The following SERGEF variants were observed in gnomAD, a reference collection of about 807,000 sequenced individuals.
SERGEF encodes the protein secretion regulating guanine nucleotide exchange factor.
In SERGEF, 51 loss-of-function variants were observed where a neutral mutation model predicts 50.0. The observed-to-expected ratio is 1.02, with a 90% CI of 0.81 to 1.29. SERGEF has a LOEUF of 1.29. Among genes scored for constraint, SERGEF ranks in the 50% most tolerant of loss-of-function variants. The pLI, the probability that SERGEF is intolerant of heterozygous loss-of-function variation, is 0.00. For synonymous variants in SERGEF, 205 were observed against 212.4 expected (o/e 0.97, Z 0.30); for missense variants, 521 against 557.0 (o/e 0.94, Z 0.65).
chr11:17,828,490 C>A (rs947081207), intron 10 of SERGEF, among the ~76,000 whole-genome samples: 1 of 152,218 alleles, frequency 6.6e-6, no homozygotes, highest in Non-Finnish European at 1.5e-5. Flanking sequence ...CTGCTCACTT[C>A]AAGTGGAGGA....
chr11:17,986,057 T>C (rs952750430), intron 8 of SERGEF, among the ~76,000 whole-genome samples: 3 of 152,216 alleles, frequency 2.0e-5, no homozygotes, highest in African/African-American at 4.8e-5. Context: ...TCTGTGCTGA[T>C]GTGGCCTGCA....
At chr11:17,860,085 C>G (rs1189320302) in intron 10 of SERGEF, among the ~76,000 whole-genome samples, 6 of 152,102 alleles carry the variant, frequency 3.9e-5, no homozygotes, top group Non-Finnish European at 8.8e-5. Context: ...GGCTGAACCC[C>G]AGAGTGGCAT....
chr11:17,866,986 C>G (rs959100842), intron 10 of SERGEF: 2 of 152,204 alleles, frequency 1.3e-5, no homozygotes, highest in African/African-American at 4.8e-5. Context: ...GATTCCATTA[C>G]CTCCCACTGT....
intron 9 of SERGEF, among the ~76,000 whole-genome samples, chr11:17,897,002 C>CA (rs376636293): frequency 2.6e-5 from 4 of 151,870 alleles, no homozygotes; most frequent in African/African-American, 7.3e-5. Flanking sequence ...AAAGCTCTAC[C>CA]AAAAATCAAA....
intron 9 of SERGEF, among the ~76,000 whole-genome samples, chr11:17,898,540 T>A (rs1565198628): frequency 6.6e-6 from 1 of 152,178 alleles, no homozygotes; most frequent in Non-Finnish European, 1.5e-5. Context: ...AGTAGATGCT[T>A]ACATGATGGT....
chr11:17,953,989 T>C (rs1471168230), intron 9 of SERGEF, among the ~76,000 whole-genome samples: 2 of 152,180 alleles, frequency 1.3e-5, no homozygotes, highest in Non-Finnish European at 2.9e-5. Context: ...AGTGAAACCA[T>C]CTTTGGGTGC....
rs566750868 is a variant in SERGEF, at chr11:17,932,546, G to C, written c.1011+26924C>G. On this transcript the variant is annotated intron_variant, in intron 9 of 10. Coordinates refer to ENST00000265965, the MANE Select transcript of SERGEF (RefSeq NM_012139.4). ...AAAGAGACTGCTTAGAGTTGAATTTGTTGAGCTCTGAATAAAAAAAGAAAG... is the reference window on the plus strand; with the variant it reads ...AAAGAGACTGCTTAGAGTTGAATTTCTTGAGCTCTGAATAAAAAAAGAAAG... 6.7e-4 allele frequency among the ~76,000 whole-genome samples: 102 copies of C among 152,256 alleles called. 1 individual carries two copies. Among genetic ancestry groups the C allele is most frequent in the African/African-American group, 2.2e-3 (92 of 41,552 alleles).
In SERGEF at chr11:17,953,397, G is replaced by C. The variant is rs570730849; in HGVS notation, c.1011+6073C>G. Reference sequence around the variant, plus strand: ...GAAAGTACTTGGTAAACTGTGAAGTGCTAAAGGACTATGAGACTCATCATC... The same window carrying C: ...GAAAGTACTTGGTAAACTGTGAAGTCCTAAAGGACTATGAGACTCATCATC... On this transcript the variant is annotated intron_variant, in intron 9 of 10. Transcript: ENST00000265965. 4.0e-3 allele frequency among the ~76,000 whole-genome samples: 604 copies of C among 152,364 alleles called. 4 individuals are homozygous for C. Among genetic ancestry groups the C allele is most frequent in the Middle Eastern group, 6.8e-3 (2 of 294 alleles).
intron 9 of SERGEF, among the ~76,000 whole-genome samples, chr11:17,880,646 A>G (rs367928563): frequency 1.4e-4 from 21 of 152,154 alleles, no homozygotes; most frequent in South Asian, 6.2e-4. Context: ...AAATTTTTAT[A>G]ATTAGGGAAA....
chr11:17,828,467 G>A (rs566244096), intron 10 of SERGEF, among the ~76,000 whole-genome samples: 6 of 152,324 alleles, frequency 3.9e-5, no homozygotes, highest in African/African-American at 7.2e-5. Flanking sequence ...TCCACACAGC[G>A]CACGGCTGTC....
chr11:17,815,641 C>T (rs751241053), intron 10 of SERGEF, among the ~76,000 whole-genome samples: 22 of 145,342 alleles, frequency 1.5e-4, no homozygotes, highest in Non-Finnish European at 2.1e-4. Flanking sequence ...AAACAAAAAC[C>T]GGCCGGGCTT....
intron 7 of SERGEF, among the ~76,000 whole-genome samples, chr11:17,990,309 T>C (rs1853686853): frequency 6.6e-6 from 1 of 152,188 alleles, no homozygotes. Flanking sequence ...TGAGGGAGTA[T>C]AAATCAGTGA....
chr11:17,873,339 T>G (rs1851181801), intron 10 of SERGEF, among the ~76,000 whole-genome samples: 2 of 152,098 alleles, frequency 1.3e-5, no homozygotes, highest in African/African-American at 4.8e-5. Context: ...TGGGATGAGG[T>G]AGGTAAAGCA....
At chr11:17,927,374 C>T (rs1852271157) in intron 9 of SERGEF, among the ~76,000 whole-genome samples, 1 of 152,224 alleles carries the variant, frequency 6.6e-6, no homozygotes, top group South Asian at 2.1e-4. Flanking sequence ...AGAAGGGCTT[C>T]AGGCAAGTCT....
intron 8 of SERGEF, among the ~76,000 whole-genome samples, chr11:17,985,065 A>G (rs774183505): frequency 6.6e-6 from 1 of 152,206 alleles, no homozygotes; most frequent in Non-Finnish European, 1.5e-5. Context: ...ACTGCATGCA[A>G]GTAAAAGACT....
chr11:17,871,140 A>G (rs1416103542), intron 10 of SERGEF, among the ~76,000 whole-genome samples: 2 of 152,232 alleles, frequency 1.3e-5, no homozygotes, highest in African/African-American at 4.8e-5. Flanking sequence ...TAGGGCACAA[A>G]TACCTCAAAC....
intron 10 of SERGEF, among the ~76,000 whole-genome samples, chr11:17,837,547 T>G (rs1037443284): frequency 4.6e-5 from 7 of 151,378 alleles, no homozygotes; most frequent in Non-Finnish European, 1.0e-4. Flanking sequence ...TGGCTCCCCT[T>G]TGTCTTCTGT....
At chr11:17,917,910 A>G (rs1460468127) in intron 9 of SERGEF, among the ~76,000 whole-genome samples, 1 of 152,246 alleles carries the variant, frequency 6.6e-6, no homozygotes, top group African/African-American at 2.4e-5. Flanking sequence ...CAGAGATGCA[A>G]ATGAAACTAA....
intron 10 of SERGEF, among the ~76,000 whole-genome samples, chr11:17,792,530 G>A (rs565673909): frequency 1.1e-4 from 17 of 152,334 alleles, no homozygotes; most frequent in East Asian, 5.8e-4. Context: ...AGGAAGCTAC[G>A]CCTGGGACCG....
Sources: allele counts gnomAD v4.1 joint callset (sites outside exome capture counted in the v4.1 genomes callset), GRCh38; gene constraint gnomAD v4.1.1; transcripts MANE v1.5; gene names NCBI Gene and HGNC (gene_info 2026-07-23, HGNC 2026-07-21).